SARDH: variants seen among roughly 807,000 people sequenced by gnomAD.
SARDH encodes sarcosine dehydrogenase, also known as sarcosine dehydrogenase, mitochondrial.
SARDH carries 95 observed loss-of-function variants against 109.1 expected under a neutral mutation model. The observed-to-expected ratio is 0.87, with a 90% CI of 0.74 to 1.03. SARDH has a LOEUF of 1.03. Among genes scored for constraint, SARDH ranks in the 50% least tolerant of loss-of-function variants. The pLI, the probability that SARDH is intolerant of heterozygous loss-of-function variation, is 0.00. For missense variants in SARDH, 1,267 were observed against 1,287.8 expected (o/e 0.98, Z 0.25); for synonymous variants, 572 against 534.8 (o/e 1.07, Z -0.96).
rs1020301246 is a variant in SARDH at position 133,666,476 on chromosome 9, T to TC, written c.2631+258dup. Reference sequence around the variant, plus strand: ...TCCTCCACCTGCTGAGGCCTCTTCCTCCCCCTTCTCCTTCTCCCTCCCTCC... The same window carrying TC: ...TCCTCCACCTGCTGAGGCCTCTTCCTCCCCCCTTCTCCTTCTCCCTCCCTCC... On this transcript the variant is annotated intron_variant, in intron 20 of 20. Coordinates refer to ENST00000439388, the MANE Select transcript of SARDH (RefSeq NM_001134707.2). This position sits in a 1 kb window ranked among gnomAD's most constrained non-coding sequence, Gnocchi z 5.2. Among the ~76,000 whole-genome samples, 1 of 151,412 alleles carries TC rather than the reference T, an allele frequency of 6.6e-6. No individual in the cohort carries two copies. The highest frequency in any genetic ancestry group is 1.5e-5 in the Non-Finnish European group (1 of 67,790).
chr9:133,690,565 G>T, intron 15 of SARDH, 38 bp from the exon 16 acceptor site: 1 of 1,580,410 alleles, frequency 6.3e-7, no homozygotes, highest in Non-Finnish European at 8.6e-7. Flanking sequence ...CAGGATTTCA[G>T]GGCCTGGGAG....
intron 16 of SARDH, among the ~76,000 whole-genome samples, chr9:133,687,566 C>T (rs1184504861): frequency 6.6e-6 from 1 of 152,148 alleles, no homozygotes; most frequent in Admixed American, 6.5e-5. Flanking sequence ...CAGGCATGAG[C>T]CACCGAGCCC....
Position 133,718,961 on chromosome 9 carries a change from C to T in SARDH, c.997G>A (p.Ala333Thr). ...GDALSVGGYE[A>T]NPIFWEEVSD... is the part of the protein sequence containing the mutation. ...ACCTCCTCCCAAAAGATGGGGTTGG[C>T]CTCATAGCCACCCACAGACAAGGCA... The change falls in exon 7 of 21, where the codon GCC (alanine) becomes ACC (threonine). Residue 333 changes from alanine to threonine, a missense_variant. Coordinates refer to ENST00000439388, the MANE Select transcript of SARDH (RefSeq NM_001134707.2). This position sits in a 1 kb window ranked among gnomAD's most constrained non-coding sequence, Gnocchi z 4.2. The T allele has an allele frequency of 6.2e-7, 1 of 1,614,058 alleles. No individual in the cohort carries two copies. The highest frequency in any genetic ancestry group is 8.5e-7 in the Non-Finnish European group (1 of 1,179,950).
chr9:133,708,765 G>T (rs1831802119), intron 10 of SARDH, among the ~76,000 whole-genome samples: 1 of 152,146 alleles, frequency 6.6e-6, no homozygotes, highest in African/African-American at 2.4e-5. Context: ...GAGTCCTGGG[G>T]TGCCCCTACA....
At chr9:133,688,930 G>A (rs756805055) in intron 16 of SARDH, among the ~76,000 whole-genome samples, 16 of 152,320 alleles carry the variant, frequency 1.1e-4, no homozygotes, top group African/African-American at 2.9e-4. Context: ...CGCGTCTACC[G>A]TGTGCCCCTG....
chr9:133,721,768 T>A (rs995476737), intron 6 of SARDH, among the ~76,000 whole-genome samples: 1 of 152,098 alleles, frequency 6.6e-6, no homozygotes, highest in East Asian at 1.9e-4. Context: ...CACATGCAAA[T>A]ACCCCCAACA....
intron 13 of SARDH, among the ~76,000 whole-genome samples, chr9:133,697,353 A>G (rs944202135): frequency 6.6e-6 from 1 of 152,240 alleles, no homozygotes; most frequent in African/African-American, 2.4e-5. Context: ...CCAAACAGTC[A>G]AAGAACTAAT....
intron 4 of SARDH, among the ~76,000 whole-genome samples, 182 bp downstream of exon 4, chr9:133,731,123 G>A (rs1037460486): frequency 2.0e-5 from 3 of 152,264 alleles, no homozygotes; most frequent in Non-Finnish European, 4.4e-5. Flanking sequence ...TCTGTGAACA[G>A]AACGAAGGCA....
chr9:133,683,023 A>C (rs961896053), intron 17 of SARDH, among the ~76,000 whole-genome samples: 24 of 152,118 alleles, frequency 1.6e-4, no homozygotes, highest in African/African-American at 4.8e-4. Flanking sequence ...CGGCCCCTGC[A>C]CCCCCTGCAC....
rs1244586250 is a variant in SARDH, at chr9:133,704,623, AGTCTTCTTGCT to A, written c.1554+314_1554+324del. 6.6e-6 allele frequency among the ~76,000 whole-genome samples: 1 copy of A among 152,024 alleles called. No individual in the cohort carries two copies. Among genetic ancestry groups the A allele is most frequent in the Non-Finnish European group, 1.5e-5 (1 of 68,000 alleles). On this transcript the variant is annotated intron_variant, in intron 12 of 20. Transcript: ENST00000439388. This position sits in a 1 kb window ranked among gnomAD's most constrained non-coding sequence, Gnocchi z 4.5. ...CTCCATTCCTCCTGCAACCTGGGGGAGTCTTCTTGCTGTCTCCCCACCGCAGGACACCCCTT... is the reference window on the plus strand; with the variant it reads ...CTCCATTCCTCCTGCAACCTGGGGGAGTCTCCCCACCGCAGGACACCCCTT...
At chr9:133,691,830 G>A (rs1238390942) in intron 15 of SARDH, among the ~76,000 whole-genome samples, 1 of 152,140 alleles carries the variant, frequency 6.6e-6, no homozygotes, top group Non-Finnish European at 1.5e-5. Flanking sequence ...CCACATGGTG[G>A]TTTTCTCCTG....
At position 133,690,538 on chromosome 9, in the gene SARDH, G is replaced by A. The variant is rs1465915616; in HGVS notation, c.1922-11C>T. The A allele has an allele frequency of 6.3e-7, 1 of 1,592,644 alleles. No homozygotes were observed. Among genetic ancestry groups the A allele is most frequent in the East Asian group, 2.2e-5 (1 of 44,522 alleles). ...GGTAGTAACCGTCCCCTGGAAGAGA[G>A]GCACCTGGACTTAGAGCAGGATTTC... On this transcript the variant is annotated splice_polypyrimidine_tract_variant and intron_variant, in intron 15 of 20. Transcript: ENST00000439388.
rs1223485745 is a variant in SARDH, at chr9:133,693,090, G to A, written c.1921+1168C>T. Among the ~76,000 whole-genome samples the A allele has an allele frequency of 9.1e-5, 13 of 142,568 alleles. No individual in the cohort carries two copies. The highest frequency in any genetic ancestry group is 5.0e-4 in the Admixed American group (7 of 13,886). The allele number at this position is 142,568 out of a possible 152,430, so 93.5% of individuals were successfully genotyped here. On this transcript the variant is annotated intron_variant, in intron 15 of 20. Transcript: ENST00000439388. The surrounding 1 kb of genome is among the most constrained non-coding windows in gnomAD (Gnocchi z 5.6). ...TGGCCCCCAATATCCCACCCCCTCC[G>A]GTCTTCATTTTTCCTCTTGACCCAT... is the stretch of plus-strand genomic sequence containing the variant.
At position 133,686,500 on chromosome 9, in the gene SARDH, T is replaced by C. The variant is rs1401435389; in HGVS notation, c.2070-1214A>G. 6.6e-6 allele frequency among the ~76,000 whole-genome samples: 1 copy of C among 152,066 alleles called. No homozygotes were observed. The highest frequency in any genetic ancestry group is 6.6e-5 in the Admixed American group (1 of 15,266). On this transcript the variant is annotated intron_variant, in intron 16 of 20. Transcript: ENST00000439388. This position sits in a 1 kb window ranked among gnomAD's most constrained non-coding sequence, Gnocchi z 4.0. ...GATCCCACAGTCTCCTGCCAGGGTG[T>C]CTCTCACATTGGTTGTACCCACCCC...
chr9:133,668,262 G>A (rs1830143799), intron 19 of SARDH, among the ~76,000 whole-genome samples: 1 of 147,248 alleles, frequency 6.8e-6, no homozygotes, highest in Non-Finnish European at 1.5e-5. Context: ...ACGACGACAC[G>A]GCTCCACTCA....
At chr9:133,673,956 G>A (rs955023852) in intron 17 of SARDH, among the ~76,000 whole-genome samples, 2 of 152,120 alleles carry the variant, frequency 1.3e-5, no homozygotes, top group African/African-American at 4.8e-5. Flanking sequence ...GGGTCAGCTG[G>A]GTCTGGGTCT....
downstream of SARDH, among the ~76,000 whole-genome samples, chr9:133,662,274 C>T (rs372102347): frequency 7.2e-5 from 11 of 152,274 alleles, no homozygotes; most frequent in African/African-American, 2.4e-4. This position sits in a 1 kb window ranked among gnomAD's most constrained non-coding sequence, Gnocchi z 5.1. Context: ...GAGCGGAACC[C>T]GGGCTCTGAC....
In SARDH at chr9:133,702,986, T is replaced by G. The variant is rs1462849674; in HGVS notation, c.1598A>C (p.His533Pro). The G allele has an allele frequency of 2.8e-5, 45 of 1,613,428 alleles. No homozygotes were observed. Among genetic ancestry groups the G allele is most frequent in the Non-Finnish European group, 3.6e-5 (43 of 1,179,956 alleles). The change falls in exon 13 of 21, where the codon CAC becomes CCC. Residue 533 changes from histidine (H) to proline (P), a missense_variant. Coordinates refer to ENST00000439388, the MANE Select transcript of SARDH (RefSeq NM_001134707.2). ...DYYGAYGSRA[H>P]EDYAYRRLLA... ...CAGCCTGCGGTAGGCGTAGTCCTCG[T>G]GCGCGCGGCTCCCGTAAGCCCCGTA...
intron 13 of SARDH, among the ~76,000 whole-genome samples, chr9:133,701,389 C>T (rs1245480244): frequency 2.6e-5 from 4 of 152,250 alleles, no homozygotes; most frequent in South Asian, 2.1e-4. Context: ...TCCCCTTTGT[C>T]GGTTTCTGCT....
Sources: allele counts gnomAD v4.1 joint callset (sites outside exome capture counted in the v4.1 genomes callset), GRCh38; gene constraint gnomAD v4.1.1; non-coding constraint Gnocchi (gnomAD v3.1); transcripts MANE v1.5; gene names NCBI Gene and HGNC (gene_info 2026-07-23, HGNC 2026-07-21).